GSK3B: variants seen among roughly 807,000 people sequenced by gnomAD.
GSK3B encodes glycogen synthase kinase 3 beta, also known as glycogen synthase kinase-3 beta.
A neutral mutation model predicts 56.4 loss-of-function variants in GSK3B; 15 were observed. The ratio of observed to expected loss-of-function variants is 0.27; its 90% CI spans 0.18 to 0.41. The LOEUF (loss-of-function observed/expected upper bound fraction) is 0.41. Among genes scored for constraint, GSK3B ranks in the 10% least tolerant of loss-of-function variants. The pLI is 1.00. For missense variants in GSK3B, 300 were observed against 513.4 expected, an observed-to-expected ratio of 0.58 and a Z score of 4.02; for synonymous variants, 181 against 188.9, an observed-to-expected ratio of 0.96 and a Z score of 0.34.
chr3:119,836,465 T>C (rs1029608964), intron 10 of GSK3B, among the ~76,000 whole-genome samples: 3 of 152,160 alleles, frequency 2.0e-5, no homozygotes, highest in Non-Finnish European at 2.9e-5. Flanking sequence ...ATTTTAAATG[T>C]CTTTAAACTC....
intron 8 of GSK3B, 64 bp downstream of exon 8, chr3:119,876,349 G>T: frequency 1.2e-6 from 1 of 859,678 alleles, no homozygotes; most frequent in Non-Finnish European, 2.0e-6. Flanking sequence ...AATAGTTTAA[G>T]AACAATGAGA....
chr3:119,958,288 C>T (rs774255027), intron 2 of GSK3B, among the ~76,000 whole-genome samples: 20 of 150,982 alleles, frequency 1.3e-4, no homozygotes, highest in Non-Finnish European at 2.5e-4. Flanking sequence ...TAAATTACCC[C>T]GTCTCAAGGA....
At chr3:119,866,959 A>C (rs2056192333) in intron 8 of GSK3B, among the ~76,000 whole-genome samples, 3 of 152,194 alleles carry the variant, frequency 2.0e-5, no homozygotes, top group Non-Finnish European at 4.4e-5. Context: ...AGTTAAAATC[A>C]AAATGAAATC....
In GSK3B at chr3:119,894,408, C is replaced by T. The variant is rs2056538890; in HGVS notation, c.813+11347G>A. ...CATGAAGGTTCCAGTTTCCCCATAT[C>T]CTCACCAACATTAGTTACTGTCTTT... On this transcript the variant is annotated intron_variant, in intron 7 of 10. Coordinates refer to ENST00000264235, the MANE Select transcript of GSK3B (RefSeq NM_001146156.2). Among the ~76,000 whole-genome samples, 2 of 152,086 alleles carry T rather than the reference C, an allele frequency of 1.3e-5. 1 individual carries two copies. Among genetic ancestry groups the T allele is most frequent in the South Asian group, 4.1e-4 (2 of 4,828 alleles).
chr3:119,847,688 G>C (rs1201630362), intron 9 of GSK3B, among the ~76,000 whole-genome samples: 2 of 152,130 alleles, frequency 1.3e-5, no homozygotes, highest in Non-Finnish European at 2.9e-5. Flanking sequence ...TGTGGCCAAA[G>C]TTTTGGAGTA....
At position 119,863,408 on chromosome 3, in the gene GSK3B, T is replaced by A; in HGVS notation, c.1096+11A>T. 1 of 1,607,832 alleles carries A rather than the reference T, an allele frequency of 6.2e-7. No homozygotes were observed. The highest frequency in any genetic ancestry group is 8.5e-7 in the Non-Finnish European group (1 of 1,174,354). Reference sequence around the variant, plus strand: ...CTAGAACTGGTGAAGAGGCTAAGTGTTTGGAGTTACCTTGAGTGGTGAAGT... The same window carrying A: ...CTAGAACTGGTGAAGAGGCTAAGTGATTGGAGTTACCTTGAGTGGTGAAGT... On this transcript the variant is annotated intron_variant, in intron 9 of 10. Coordinates refer to ENST00000264235, the MANE Select transcript of GSK3B (RefSeq NM_001146156.2).
rs141566620 is a variant in GSK3B, at chr3:119,993,869, C to T, written c.282+8177G>A. 2.2e-4 allele frequency among the ~76,000 whole-genome samples: 33 copies of T among 152,280 alleles called. 1 individual carries two copies. The East Asian group carries it at 6.2e-3, about 28-fold the overall frequency. On this transcript the variant is annotated intron_variant, in intron 2 of 10. Coordinates refer to ENST00000264235, the MANE Select transcript of GSK3B (RefSeq NM_001146156.2). ...TCTAGATCCAGCTTGAAAGGGCTTTCGCTGACCAAATCTGAAGCAATTTTT... is the reference window on the plus strand; with the variant it reads ...TCTAGATCCAGCTTGAAAGGGCTTTTGCTGACCAAATCTGAAGCAATTTTT...
At chr3:120,076,738 C>T (rs577415875) in intron 1 of GSK3B, among the ~76,000 whole-genome samples, 5 of 140,696 alleles carry the variant, frequency 3.6e-5, no homozygotes, top group South Asian at 2.4e-4. Context: ...GGCGTGAACC[C>T]GGGAGGCGGA....
intron 2 of GSK3B, among the ~76,000 whole-genome samples, chr3:119,954,918 C>T (rs1000020021): frequency 6.6e-6 from 1 of 151,990 alleles, no homozygotes; most frequent in Non-Finnish European, 1.5e-5. Flanking sequence ...AAGAAACAAC[C>T]AGCAAGCTTA....
Position 119,822,270 on chromosome 3 carries a change from A to G in GSK3B, c.*4518T>C, listed in dbSNP as rs1381178024. 5.7e-6 allele frequency: 1 copy of G among 174,416 alleles called. No homozygotes were observed. 10.8% of individuals were successfully genotyped at this position (174,416 alleles called of 1,614,324 possible). On this transcript the variant is annotated 3_prime_UTR_variant, in exon 11 of 11. Coordinates refer to ENST00000264235, the MANE Select transcript of GSK3B (RefSeq NM_001146156.2). ...ATATATATATATATATATATATAAT[A>G]AATTTTGTTTTTTAGGTTTGTTTTT...
At chr3:120,093,076 A>T (rs2058527463) in intron 1 of GSK3B, among the ~76,000 whole-genome samples, 1 of 152,224 alleles carries the variant, frequency 6.6e-6, no homozygotes, top group Non-Finnish European at 1.5e-5. Context: ...GATGAAACTG[A>T]CTACCAACAG....
At chr3:119,856,031 A>G (rs2056018719) in intron 9 of GSK3B, among the ~76,000 whole-genome samples, 1 of 152,144 alleles carries the variant, frequency 6.6e-6, no homozygotes, top group African/African-American at 2.4e-5. Context: ...TTCTATGTTT[A>G]TTTATATCAT....
At position 119,825,158 on chromosome 3, in the gene GSK3B, T is replaced by C. The variant is rs2055483436; in HGVS notation, c.*1630A>G. The C allele has an allele frequency of 1.8e-5, 4 of 218,020 alleles. No homozygotes were observed. In the East Asian group the frequency reaches 2.7e-4, roughly 15 times the overall value. The allele number at this position is 218,020 out of a possible 1,614,324, so 13.5% of individuals were successfully genotyped here. ...TTTAAATGTAAAGTACAACTGATTG[T>C]GCCTTAAAGATTCATAGGTCAAGTA... On this transcript the variant is annotated 3_prime_UTR_variant, in exon 11 of 11. Coordinates refer to ENST00000264235, the MANE Select transcript of GSK3B (RefSeq NM_001146156.2).
rs1226898936 is a variant in GSK3B at position 120,014,007 on chromosome 3, TA to T, written c.89-11769del. 3.3e-5 allele frequency among the ~76,000 whole-genome samples: 5 copies of T among 151,266 alleles called. No individual in the cohort carries two copies. In the East Asian group the frequency reaches 9.7e-4, roughly 29 times the overall value. On this transcript the variant is annotated intron_variant, in intron 1 of 10. Coordinates refer to ENST00000264235, the MANE Select transcript of GSK3B (RefSeq NM_001146156.2). ...CAACATGGCGAAACCCCGTCTCTAC[TA>T]AAAGTACAAAAAGCTACTTGGAAGG...
At chr3:120,085,801 G>A (rs1239685281) in intron 1 of GSK3B, among the ~76,000 whole-genome samples, 1 of 151,016 alleles carries the variant, frequency 6.6e-6, no homozygotes, top group African/African-American at 2.4e-5. Flanking sequence ...GTGACATTCC[G>A]TCTTGAGAAA....
intron 7 of GSK3B, among the ~76,000 whole-genome samples, chr3:119,890,837 G>A (rs2056493743): frequency 6.6e-6 from 1 of 150,912 alleles, no homozygotes; most frequent in South Asian, 2.1e-4. Flanking sequence ...TATTTATAAG[G>A]CTAGCATTAA....
chr3:119,875,269 G>T (rs746427949), intron 8 of GSK3B, among the ~76,000 whole-genome samples: 6 of 151,694 alleles, frequency 4.0e-5, no homozygotes, highest in Non-Finnish European at 8.8e-5. Context: ...AAAGTAACTG[G>T]AATCATAATA....
intron 2 of GSK3B, among the ~76,000 whole-genome samples, chr3:119,952,216 G>A (rs1480580435): frequency 5.3e-5 from 8 of 151,964 alleles, no homozygotes; most frequent in African/African-American, 1.7e-4. Context: ...GGCCAGGCAC[G>A]GTGGCTCACG....
intron 3 of GSK3B, among the ~76,000 whole-genome samples, chr3:119,940,847 G>T (rs1447459478): frequency 6.6e-6 from 1 of 152,074 alleles, no homozygotes; most frequent in Non-Finnish European, 1.5e-5. Flanking sequence ...CTATGGGCAG[G>T]TCACGTCACT....
Sources: gnomAD v4.1 joint callset for allele counts (sites outside exome capture counted in the v4.1 genomes callset) on GRCh38, gnomAD v4.1.1 for gene constraint, MANE v1.5 for transcripts, NCBI Gene and HGNC (gene_info 2026-07-23, HGNC 2026-07-21) for gene names.